FBN1: variants seen among roughly 807,000 people sequenced by gnomAD.
The protein encoded by FBN1 is fibrillin 1, also known as fibrillin-1.
In FBN1, 29 loss-of-function variants were observed where a neutral mutation model predicts 365.1. The ratio of observed to expected loss-of-function variants is 0.08; its 90% CI spans 0.06 to 0.11. The LOEUF (loss-of-function observed/expected upper bound fraction) is 0.11, where lower values mean the gene tolerates loss of function less well. Ranked by LOEUF, FBN1 falls within the 10% of genes least tolerant of loss-of-function variation. The pLI is 1.00. For synonymous variants in FBN1, 1,210 were observed against 1,270.5 expected, an observed-to-expected ratio of 0.95 and a Z score of 1.01; for missense variants, 2,476 against 3,703.2, an observed-to-expected ratio of 0.67 and a Z score of 8.60.
chr15:48,504,421 GT>G (rs1371204721), intron 16 of FBN1, among the ~76,000 whole-genome samples: 5 of 152,266 alleles, frequency 3.3e-5, no homozygotes, highest in African/African-American at 1.2e-4. Flanking sequence ...TCTGTAAAAG[GT>G]TCGTTATATA....
intron 6 of FBN1, among the ~76,000 whole-genome samples, chr15:48,584,242 T>C (rs2044418819): frequency 6.6e-6 from 1 of 152,190 alleles, no homozygotes; most frequent in Non-Finnish European, 1.5e-5. Flanking sequence ...CCTCATTGTA[T>C]AGATTAGGAA....
chr15:48,508,029 G>A (rs560386945), intron 15 of FBN1, among the ~76,000 whole-genome samples: 21 of 152,202 alleles, frequency 1.4e-4, no homozygotes, highest in African/African-American at 5.1e-4. Context: ...GTTCTTGGTT[G>A]TTTATTTATT....
At chr15:48,591,298 A>T (rs188727213) in intron 6 of FBN1, among the ~76,000 whole-genome samples, 46 of 152,208 alleles carry the variant, frequency 3.0e-4, no homozygotes, top group African/African-American at 1.1e-3. Flanking sequence ...CCTCCTCAAA[A>T]GGGAAAAAAA....
intron 35 of FBN1, 151 bp downstream of exon 35, chr15:48,472,400 A>AC: frequency 9.6e-7 from 1 of 1,043,902 alleles, no homozygotes. Flanking sequence ...CTGGAAACCT[A>AC]ATCCCTCTAC....
intron 2 of FBN1, among the ~76,000 whole-genome samples, chr15:48,629,156 T>A (rs1334730028): frequency 6.6e-6 from 1 of 152,224 alleles, no homozygotes; most frequent in East Asian, 1.9e-4. Flanking sequence ...TCTCACTGCT[T>A]CCTTCATCGA....
intron 4 of FBN1, among the ~76,000 whole-genome samples, chr15:48,602,430 A>T (rs2044574585): frequency 6.6e-6 from 1 of 152,174 alleles, no homozygotes; most frequent in African/African-American, 2.4e-5. Flanking sequence ...ACCTTGCTTT[A>T]TATGTAAGTG....
At chr15:48,464,880 A>C (rs1475919256) in intron 40 of FBN1, among the ~76,000 whole-genome samples, 1 of 152,180 alleles carries the variant, frequency 6.6e-6, no homozygotes, top group Non-Finnish European at 1.5e-5. Flanking sequence ...TGCCATATAC[A>C]CTGTGATGTT....
intron 25 of FBN1, among the ~76,000 whole-genome samples, chr15:48,489,163 T>A (rs891731827): frequency 6.6e-6 from 1 of 150,454 alleles, no homozygotes; most frequent in Non-Finnish European, 1.5e-5. Flanking sequence ...GCCATCTGAG[T>A]AGCTGGGATT....
intron 2 of FBN1, among the ~76,000 whole-genome samples, chr15:48,623,192 C>T (rs1009119535): frequency 1.3e-5 from 2 of 152,130 alleles, no homozygotes; most frequent in African/African-American, 4.8e-5. Context: ...GTACAATTAG[C>T]AAAGATTAAT....
intron 38 of FBN1, among the ~76,000 whole-genome samples, chr15:48,466,662 A>G (rs944254405): frequency 6.6e-6 from 1 of 152,082 alleles, no homozygotes; most frequent in Non-Finnish European, 1.5e-5. Context: ...GCCTATATGT[A>G]TATATTCCAG....
At chr15:48,592,577 T>C (rs2044485963) in intron 6 of FBN1, among the ~76,000 whole-genome samples, 1 of 152,082 alleles carries the variant, frequency 6.6e-6, no homozygotes, top group African/African-American at 2.4e-5. Flanking sequence ...TTCTACTAGT[T>C]GCTCAAGGCC....
intron 9 of FBN1, among the ~76,000 whole-genome samples, chr15:48,524,670 C>G (rs2043892992): frequency 6.6e-6 from 1 of 152,098 alleles, no homozygotes; most frequent in Non-Finnish European, 1.5e-5. Flanking sequence ...GAAATCTGGG[C>G]TGTGCACTCA....
chr15:48,501,128 C>A (rs1440348458), intron 17 of FBN1, among the ~76,000 whole-genome samples: 1 of 152,158 alleles, frequency 6.6e-6, no homozygotes, highest in Non-Finnish European at 1.5e-5. Context: ...ATTTAACTCT[C>A]TTTAAGCTTT....
chr15:48,526,291 A>G lies in FBN1; in HGVS notation c.863-36T>C, dbSNP rs181838746. ...AAAAAAAGAATCTCAGCATTTGTAGAACACAATATAAAACCATTCGTCAGT... is the reference window on the plus strand; with the variant it reads ...AAAAAAAGAATCTCAGCATTTGTAGGACACAATATAAAACCATTCGTCAGT... On this transcript the variant is annotated intron_variant, in intron 8 of 65. Coordinates refer to ENST00000316623, the MANE Select transcript of FBN1 (RefSeq NM_000138.5). 95 of 1,611,982 alleles carry G rather than the reference A, an allele frequency of 5.9e-5. No individual in the cohort carries two copies. The highest frequency in any genetic ancestry group is 1.0e-4 in the Admixed American group (6 of 60,004).
intron 17 of FBN1, among the ~76,000 whole-genome samples, chr15:48,501,092 C>T (rs1199063893): frequency 6.6e-6 from 1 of 152,078 alleles, no homozygotes; most frequent in Non-Finnish European, 1.5e-5. Flanking sequence ...AAATATAAGA[C>T]AAAAGTTAGT....
At chr15:48,582,109 G>A (rs765361881) in intron 6 of FBN1, among the ~76,000 whole-genome samples, 3 of 152,174 alleles carry the variant, frequency 2.0e-5, no homozygotes, top group Admixed American at 6.5e-5. Flanking sequence ...TTAAAAAGTC[G>A]AGGGAAAAAA....
At chr15:48,428,812 T>C (rs1422964543) in intron 56 of FBN1, among the ~76,000 whole-genome samples, 1 of 152,242 alleles carries the variant, frequency 6.6e-6, no homozygotes, top group Non-Finnish European at 1.5e-5. Flanking sequence ...TCTTCTTTCC[T>C]ATATAGTTTG....
chr15:48,444,701 G>T (rs1278272900), intron 48 of FBN1, 41 bp from the exon 49 acceptor site: 6 of 1,609,042 alleles, frequency 3.7e-6, no homozygotes, highest in Non-Finnish European at 5.1e-6. Context: ...GTTCCCACTG[G>T]CATGACTTCC....
intron 10 of FBN1, among the ~76,000 whole-genome samples, chr15:48,517,561 A>G (rs1468281230): frequency 6.6e-6 from 1 of 152,198 alleles, no homozygotes; most frequent in Non-Finnish European, 1.5e-5. Flanking sequence ...GTCTTTATCA[A>G]ATAAATCATC....
Sources: gnomAD v4.1 joint callset for allele counts (sites outside exome capture counted in the v4.1 genomes callset) on GRCh38, gnomAD v4.1.1 for gene constraint, MANE v1.5 for transcripts, NCBI Gene and HGNC (gene_info 2026-07-23, HGNC 2026-07-21) for gene names.